Variants in SIPA1L1 observed in about 807,000 individuals in gnomAD.
SIPA1L1 encodes the protein signal induced proliferation associated 1 like 1.
A neutral mutation model predicts 162.7 loss-of-function variants in SIPA1L1; 26 were observed. The ratio of observed to expected loss-of-function variants is 0.16; its 90% CI spans 0.12 to 0.22. The LOEUF is 0.22. SIPA1L1 is among the 10% of genes least tolerant of loss of function. The probability of loss-of-function intolerance (pLI) is 1.00; values close to 1 mark genes in which losing one functional copy is unlikely to be tolerated. For synonymous variants in SIPA1L1, 829 were observed against 837.4 expected, an observed-to-expected ratio of 0.99 and a Z score of 0.17; for missense variants, 1,874 against 2,241.0, an observed-to-expected ratio of 0.84 and a Z score of 3.31.
intron 21 of SIPA1L1, among the ~76,000 whole-genome samples, chr14:71,734,779 T>A (rs549770167): frequency 1.3e-4 from 20 of 152,350 alleles, no homozygotes; most frequent in African/African-American, 4.8e-4. Flanking sequence ...TGGGAGATTA[T>A]TTTAAATTTG....
chr14:71,632,451 C>T (rs558584185), intron 7 of SIPA1L1, among the ~76,000 whole-genome samples: 47 of 152,234 alleles, frequency 3.1e-4, no homozygotes, highest in African/African-American at 1.1e-3. Context: ...CAAAAAGAAG[C>T]TAACAACAAC....
intron 2 of SIPA1L1, among the ~76,000 whole-genome samples, chr14:71,356,521 A>G (rs913588356): frequency 7.3e-6 from 1 of 136,360 alleles, no homozygotes; most frequent in African/African-American, 2.7e-5. Flanking sequence ...ACTTAAGGCC[A>G]GGAGCTCAAG....
At chr14:71,491,472 A>G (rs1420321845) in intron 2 of SIPA1L1, among the ~76,000 whole-genome samples, 1 of 152,296 alleles carries the variant, frequency 6.6e-6, no homozygotes. Context: ...ATGAACTGTA[A>G]TCAGTGCTCT....
In SIPA1L1 at chr14:71,661,446, G is replaced by C. The variant is rs1358352885; in HGVS notation, c.2234G>C (p.Cys745Ser). 2 of 1,613,868 alleles carry C rather than the reference G, an allele frequency of 1.2e-6. No homozygotes were observed. Among genetic ancestry groups the C allele is most frequent in the African/African-American group, 2.7e-5 (2 of 74,892 alleles). ...GTCATCGTCAGGGTGCACAATCCGTGCTCTGACAGTGTCTGTTATAGGTGT... is the reference window on the plus strand; with the variant it reads ...GTCATCGTCAGGGTGCACAATCCGTCCTCTGACAGTGTCTGTTATAGGTGT... Reference protein sequence around the residue: ...VFVIVRVHNPCSDSVCYSVAV... With the variant: ...VFVIVRVHNPSSDSVCYSVAV... Residue 745 changes from cysteine to serine, a missense_variant, in exon 10 of 24, where the codon TGC becomes TCC. By Grantham distance (112) the Cys-to-Ser change is moderately radical. Coordinates refer to ENST00000381232, the MANE Select transcript of SIPA1L1 (RefSeq NM_001386936.1).
At chr14:71,544,183 G>GTA (rs772289589) in intron 4 of SIPA1L1, among the ~76,000 whole-genome samples, 5 of 150,320 alleles carry the variant, frequency 3.3e-5, no homozygotes, top group Non-Finnish European at 7.4e-5. Flanking sequence ...GCACGTGTGT[G>GTA]TATATATACA....
At chr14:71,606,480 CA>C (rs1218447438) in intron 5 of SIPA1L1, among the ~76,000 whole-genome samples, 2 of 152,056 alleles carry the variant, frequency 1.3e-5, no homozygotes, top group Non-Finnish European at 2.9e-5. Context: ...ACTAGGCTGT[CA>C]AAATGGTGTC....
intron 10 of SIPA1L1, among the ~76,000 whole-genome samples, chr14:71,664,316 A>G (rs938176320): frequency 1.3e-5 from 2 of 152,198 alleles, no homozygotes; most frequent in African/African-American, 4.8e-5. Flanking sequence ...AAACTTAGAC[A>G]TGGGTTGATT....
chr14:71,446,377 G>A (rs1223782673), intron 2 of SIPA1L1, among the ~76,000 whole-genome samples: 1 of 151,708 alleles, frequency 6.6e-6, no homozygotes, highest in Admixed American at 6.6e-5. Flanking sequence ...TTTATGTTTA[G>A]CATACCTTTT....
At chr14:71,726,694 A>C (rs1410654372) in intron 19 of SIPA1L1, among the ~76,000 whole-genome samples, 1 of 152,216 alleles carries the variant, frequency 6.6e-6, no homozygotes, top group African/African-American at 2.4e-5. Context: ...AAACCATCAC[A>C]GTGAGAAGGC....
chr14:71,612,189 A>G (rs558241213), intron 5 of SIPA1L1, among the ~76,000 whole-genome samples: 3 of 152,180 alleles, frequency 2.0e-5, no homozygotes, highest in Admixed American at 2.0e-4. Context: ...TTCTTTCTGT[A>G]TGATCAATTA....
intron 5 of SIPA1L1, among the ~76,000 whole-genome samples, chr14:71,593,535 C>T (rs922387894): frequency 2.6e-5 from 4 of 152,038 alleles, no homozygotes; most frequent in South Asian, 2.1e-4. Context: ...AGATAGTCAC[C>T]ATGATCAGAG....
chr14:71,576,586 AG>A (rs1241890745), intron 4 of SIPA1L1: 8 of 152,226 alleles, frequency 5.3e-5, no homozygotes, highest in African/African-American at 1.9e-4. Flanking sequence ...GGCTCAGACA[AG>A]GTATTCTTTA....
intron 2 of SIPA1L1, among the ~76,000 whole-genome samples, chr14:71,444,968 ACCAGGTGGTT>A (rs2045231746): frequency 6.6e-6 from 1 of 152,202 alleles, no homozygotes; most frequent in Non-Finnish European, 1.5e-5. Flanking sequence ...CCACCCCAGG[ACCAGGTGGTT>A]CCAGGTGGTT....
intron 2 of SIPA1L1, among the ~76,000 whole-genome samples, chr14:71,343,749 CCATGCTGTGG>C (rs1461566300): frequency 6.6e-6 from 1 of 152,072 alleles, no homozygotes; most frequent in African/African-American, 2.4e-5. Flanking sequence ...TTGTGGGGGA[CCATGCTGTGG>C]AAGCAGCATC....
intron 2 of SIPA1L1, among the ~76,000 whole-genome samples, chr14:71,386,808 C>A (rs72728459): frequency 6.6e-6 from 1 of 152,034 alleles, no homozygotes; most frequent in Non-Finnish European, 1.5e-5. Flanking sequence ...TTTAGACAGA[C>A]CAAGTTGATC....
intron 17 of SIPA1L1, among the ~76,000 whole-genome samples, chr14:71,720,554 C>T (rs1056246158): frequency 6.6e-6 from 1 of 151,272 alleles, no homozygotes; most frequent in African/African-American, 2.4e-5. Context: ...TGGGTGGAGA[C>T]TGTCTAAAAA....
chr14:71,645,497 T>C (rs1403940872), intron 7 of SIPA1L1, among the ~76,000 whole-genome samples: 2 of 152,242 alleles, frequency 1.3e-5, no homozygotes, highest in Non-Finnish European at 2.9e-5. Flanking sequence ...TAAAGCACTT[T>C]AGTAGGCAAC....
rs112871826 is a variant in SIPA1L1, at chr14:71,552,193, G to A, written c.-303+22823G>A. On this transcript the variant is annotated intron_variant, in intron 4 of 23. Transcript: ENST00000381232. ...GTAGTAAAGAATAAATGTATCCTAAGCCATTTAATTAAAACTTTGAGATCT... is the reference window on the plus strand; with the variant it reads ...GTAGTAAAGAATAAATGTATCCTAAACCATTTAATTAAAACTTTGAGATCT... Among the ~76,000 whole-genome samples the A allele has an allele frequency of 4.5e-3, 678 of 152,146 alleles. 5 individuals carry two copies. Among genetic ancestry groups the A allele is most frequent in the African/African-American group, 0.015 (629 of 41,498 alleles).
chr14:71,732,932 A>G (rs938283492), intron 20 of SIPA1L1, among the ~76,000 whole-genome samples: 6 of 152,094 alleles, frequency 3.9e-5, no homozygotes, highest in African/African-American at 1.4e-4. Flanking sequence ...ACCCTATTAA[A>G]CTGGGCGTGG....
Sources: allele counts gnomAD v4.1 joint callset (sites outside exome capture counted in the v4.1 genomes callset), GRCh38; gene constraint gnomAD v4.1.1; transcripts MANE v1.5; gene names NCBI Gene and HGNC (gene_info 2026-07-23, HGNC 2026-07-21).